The following INPP5D variants were observed in gnomAD, a reference collection of about 807,000 sequenced individuals.
INPP5D encodes the protein inositol polyphosphate-5-phosphatase D, also known as phosphatidylinositol 3,4,5-trisphosphate 5-phosphatase 1.
Under a neutral mutation model 122.9 loss-of-function variants are expected in INPP5D, and 33 were observed. The ratio of observed to expected loss-of-function variants is 0.27; its 90% CI spans 0.20 to 0.36. The LOEUF is 0.36. INPP5D is among the 10% of genes least tolerant of loss of function. The pLI is 1.00. For synonymous variants in INPP5D, 584 were observed against 576.2 expected (o/e 1.01, Z -0.19); for missense variants, 1,053 against 1,412.7 (o/e 0.75, Z 4.08).
At chr2:233,184,208 G>A (rs995938101) in intron 19 of INPP5D, among the ~76,000 whole-genome samples, 200 bp from the exon 20 acceptor site, 2 of 152,176 alleles carry the variant, frequency 1.3e-5, no homozygotes, top group Admixed American at 6.5e-5. Flanking sequence ...TCTCTGCCCT[G>A]GCCAGCTCAC....
chr2:233,114,258 G>T (rs933945142), intron 2 of INPP5D, among the ~76,000 whole-genome samples: 21 of 152,172 alleles, frequency 1.4e-4, no homozygotes, highest in African/African-American at 4.8e-4. Flanking sequence ...GGCCCCAAGG[G>T]CCCAAGACAC....
chr2:233,070,446 T>G (rs1211929420), intron 1 of INPP5D, among the ~76,000 whole-genome samples: 5 of 147,614 alleles, frequency 3.4e-5, no homozygotes, highest in African/African-American at 9.9e-5. Flanking sequence ...CAGCAGGTTT[T>G]TTTTTTTTTT....
rs535694520 is a variant in INPP5D at position 233,100,243 on chromosome 2, C to T, written c.198+20845C>T. Among the ~76,000 whole-genome samples, 5 of 152,268 alleles carry T rather than the reference C, an allele frequency of 3.3e-5. No homozygotes were observed. Among genetic ancestry groups the T allele is most frequent in the East Asian group, 3.9e-4 (2 of 5,192 alleles). On this transcript the variant is annotated intron_variant, in intron 2 of 26. Coordinates refer to ENST00000445964, the MANE Select transcript of INPP5D (RefSeq NM_001017915.3). This position sits in a 1 kb window ranked among gnomAD's most constrained non-coding sequence, Gnocchi z 5.3. ...GCCTGTTCCACTCATTTACATCACCCGCCTGACTGCTGTAGGCCACTGAGC... is the reference window on the plus strand; with the variant it reads ...GCCTGTTCCACTCATTTACATCACCTGCCTGACTGCTGTAGGCCACTGAGC...
intron 18 of INPP5D, among the ~76,000 whole-genome samples, chr2:233,179,579 G>A (rs1040944447): frequency 3.3e-5 from 5 of 152,240 alleles, no homozygotes; most frequent in African/African-American, 1.2e-4. Flanking sequence ...CCCGGAATAT[G>A]AGGGTTGGGG....
intron 6 of INPP5D, chr2:233,141,011 CTCT>C (rs1693620783): frequency 6.6e-6 from 1 of 152,216 alleles, no homozygotes; most frequent in African/African-American, 2.4e-5. Flanking sequence ...ACTAGGCAGC[CTCT>C]TCTTGCCTAT....
chr2:233,106,526 T>C (rs564312658), intron 2 of INPP5D, among the ~76,000 whole-genome samples: 1 of 152,324 alleles, frequency 6.6e-6, no homozygotes, highest in Non-Finnish European at 1.5e-5. Flanking sequence ...GAGACACAGA[T>C]TCATCACGCT....
At chr2:233,155,358 C>T (rs148527873) in intron 9 of INPP5D, among the ~76,000 whole-genome samples, 66,991 of 152,020 alleles carry the variant, frequency 0.44, 15,357 homozygotes, top group South Asian at 0.66. Flanking sequence ...TGCAGTGGCT[C>T]ACGCCTGTAA....
rs7589369 is a variant in INPP5D, at chr2:233,128,928, C to G, written c.525-1580C>G. On this transcript the variant is annotated intron_variant, in intron 4 of 26. Coordinates refer to ENST00000445964, the MANE Select transcript of INPP5D (RefSeq NM_001017915.3). This position sits in a 1 kb window ranked among gnomAD's most constrained non-coding sequence, Gnocchi z 4.5. The stretch of plus-strand genomic sequence containing the variant: ...GGGCAGGGTGGTTCACACCTGTTAT[C>G]CCAGCACTTTGGGAGCCTGAGGCAG... 0.36 allele frequency among the ~76,000 whole-genome samples: 55,368 copies of G among 152,056 alleles called. 11,921 individuals are homozygous for G. The highest frequency in any genetic ancestry group is 0.48 in the Non-Finnish European group (32,467 of 67,966).
rs1482596491 is a variant in INPP5D, at chr2:233,060,470, A to G, written c.-9A>G. 6.3e-7 allele frequency: 1 copy of G among 1,597,868 alleles called. No individual in the cohort carries two copies. The highest frequency in any genetic ancestry group is 1.3e-5 in the African/African-American group (1 of 74,760). On this transcript the variant is annotated 5_prime_UTR_variant, in exon 1 of 27. Coordinates refer to ENST00000445964, the MANE Select transcript of INPP5D (RefSeq NM_001017915.3). ...CCTGCCGGCCCGGCCGAGGAGGCCC[A>G]CGCCCACCATGGTCCCCTGCTGGAA... is the stretch of plus-strand genomic sequence containing the variant.
In INPP5D at chr2:233,206,993, G is replaced by A. The variant is rs368959620; in HGVS notation, c.*285G>A. 9 of 414,888 alleles carry A rather than the reference G, an allele frequency of 2.2e-5. No individual in the cohort carries two copies. Among genetic ancestry groups the A allele is most frequent in the Non-Finnish European group, 3.9e-5 (9 of 228,444 alleles). 25.7% of individuals were successfully genotyped at this position (414,888 alleles called of 1,614,324 possible). ...GGGACCCCAGTGCCTCGTTGAGGGCGCCATTCTGAAGAAAGGAACTGCAGC... is the reference window on the plus strand; with the variant it reads ...GGGACCCCAGTGCCTCGTTGAGGGCACCATTCTGAAGAAAGGAACTGCAGC... On this transcript the variant is annotated 3_prime_UTR_variant, in exon 27 of 27. Transcript: ENST00000445964. This position sits in a 1 kb window ranked among gnomAD's most constrained non-coding sequence, Gnocchi z 4.0.
Position 233,142,781 on chromosome 2 carries a change from G to A in INPP5D, c.753+2852G>A, listed in dbSNP as rs978228027. Among the ~76,000 whole-genome samples the A allele has an allele frequency of 2.6e-3, 393 of 152,218 alleles. 2 individuals carry two copies. Among genetic ancestry groups the A allele is most frequent in the African/African-American group, 9.0e-3 (373 of 41,518 alleles). On this transcript the variant is annotated intron_variant, in intron 6 of 26. Transcript: ENST00000445964. The stretch of plus-strand genomic sequence containing the variant: ...TGGGTCAGCTGATGTAAACCCTCAG[G>A]TAGCAGTCAGACCAGTCTACCCTTT...
chr2:233,117,475 G>T (rs1692835276), intron 2 of INPP5D, among the ~76,000 whole-genome samples: 1 of 152,178 alleles, frequency 6.6e-6, no homozygotes. Context: ...TTTGGCGGGG[G>T]AGGGGATCTA....
intron 18 of INPP5D, among the ~76,000 whole-genome samples, chr2:233,181,783 T>G (rs1336557697): frequency 6.6e-6 from 1 of 151,882 alleles, no homozygotes; most frequent in Non-Finnish European, 1.5e-5. Flanking sequence ...TCCCACCCAG[T>G]GTTTGGGGCT....
intron 5 of INPP5D, among the ~76,000 whole-genome samples, chr2:233,136,758 G>A (rs994293102): frequency 1.3e-5 from 2 of 152,178 alleles, no homozygotes; most frequent in Non-Finnish European, 2.9e-5. Flanking sequence ...AGCCAGAAAG[G>A]AGACGAGGAG....
intron 5 of INPP5D, among the ~76,000 whole-genome samples, chr2:233,135,478 C>T (rs1015753886): frequency 1.3e-5 from 2 of 152,068 alleles, no homozygotes; most frequent in African/African-American, 4.8e-5. Context: ...TTGTGAGCCA[C>T]TGTGCCAAGC....
intron 2 of INPP5D, among the ~76,000 whole-genome samples, chr2:233,097,194 T>C (rs927140741): frequency 2.0e-5 from 3 of 152,328 alleles, no homozygotes; most frequent in East Asian, 1.9e-4. Flanking sequence ...TCCTGTTCCA[T>C]TGATAGATTA....
rs183404975 is a variant in INPP5D, at chr2:233,117,934, C to G, written c.199-4173C>G. Among the ~76,000 whole-genome samples, 165 of 152,300 alleles carry G rather than the reference C, an allele frequency of 1.1e-3. 1 individual carries two copies. Among genetic ancestry groups the G allele is most frequent in the African/African-American group, 3.7e-3 (153 of 41,558 alleles). ...CTGGCTCCAACTCTTGTCTGTCATC[C>G]TGACCCAAGGCGGCAAATCCATGGA... On this transcript the variant is annotated intron_variant, in intron 2 of 26. Transcript: ENST00000445964.
At chr2:233,060,689 G>T in intron 1 of INPP5D, 77 bp downstream of exon 1, 2 of 1,571,614 alleles carry the variant, frequency 1.3e-6, no homozygotes, top group African/African-American at 1.3e-5. Context: ...GAGATGGGTT[G>T]TTCTTATGTC....
Position 233,184,424 on chromosome 2 carries a change from C to T in INPP5D, c.2178C>T (p.Asp726=). The change falls in exon 20 of 27, where the codon GAC becomes GAT. Residue 726 remains aspartate (D), a synonymous_variant. Coordinates refer to ENST00000445964, the MANE Select transcript of INPP5D (RefSeq NM_001017915.3). ...CTGTTCCAGGTCCCGGGACTGTTGA[C>T]AGCCAAGGACAGATTGAGTTTCTCA... is the stretch of plus-strand genomic sequence containing the variant. ...FVSKNGPGTV[D]SQGQIEFLRC... is the part of the protein sequence containing the mutation. 6 of 1,613,982 alleles carry T rather than the reference C, an allele frequency of 3.7e-6. No individual in the cohort carries two copies. Among genetic ancestry groups the T allele is most frequent in the South Asian group, 1.1e-5 (1 of 91,074 alleles).
Sources: allele counts gnomAD v4.1 joint callset (sites outside exome capture counted in the v4.1 genomes callset), GRCh38; gene constraint gnomAD v4.1.1; non-coding constraint Gnocchi (gnomAD v3.1); transcripts MANE v1.5; gene names NCBI Gene and HGNC (gene_info 2026-07-23, HGNC 2026-07-21).